SLC6A6: variants seen among roughly 807,000 people sequenced by gnomAD.
The protein encoded by SLC6A6 is solute carrier family 6 member 6.
SLC6A6 carries 16 observed loss-of-function variants against 68.8 expected under a neutral mutation model. The observed-to-expected ratio is 0.23, with a 90% CI of 0.16 to 0.35. The LOEUF is 0.35. SLC6A6 is among the 10% of genes least tolerant of loss of function. SLC6A6 has a pLI of 1.00. For missense variants in SLC6A6, 474 were observed against 802.8 expected (o/e 0.59, Z 4.95); for synonymous variants, 312 against 315.4 (o/e 0.99, Z 0.12).
chr3:14,405,630 G>C (rs1262544761), intron 1 of SLC6A6, among the ~76,000 whole-genome samples: 1 of 152,192 alleles, frequency 6.6e-6, no homozygotes, highest in Non-Finnish European at 1.5e-5. Flanking sequence ...GATTCTTTGG[G>C]GCTGCATCTC....
Position 14,443,815 on chromosome 3 carries a change from T to G in SLC6A6, c.181T>G (p.Leu61Val). 6.2e-7 allele frequency: 1 copy of G among 1,614,134 alleles called. No individual in the cohort carries two copies. Among genetic ancestry groups the G allele is most frequent in the Non-Finnish European group, 8.5e-7 (1 of 1,179,982 alleles). Residue 61 changes from leucine to valine, a missense_variant, in exon 3 of 15, where the codon TTG becomes GTG. Leu to Val is a conservative substitution (Grantham distance 32). Around this residue, in one of 2 missense-constraint regions of SLC6A6, gnomAD observed 280 missense variants for 533.1 expected, o/e 0.53. Transcript: ENST00000622186. ...CTCTGTGGCTGGCGGCTTCGTGGGC[T>G]TGGGCAACGTCTGGCGCTTCCCGTA... ...VLSVAGGFVG[L>V]GNVWRFPYLC...
At position 14,463,335 on chromosome 3, in the gene SLC6A6, G is replaced by A. The variant is rs140852817; in HGVS notation, c.733-3181G>A. Among the ~76,000 whole-genome samples the A allele has an allele frequency of 1.3e-3, 193 of 152,340 alleles. 1 individual carries two copies. Among genetic ancestry groups the A allele is most frequent in the African/African-American group, 4.4e-3 (184 of 41,576 alleles). ...GAGGATTAAATGAGTTAAAACTCAC[G>A]AAGCCCTTAGCTGAGTGCCCCGCAC... On this transcript the variant is annotated intron_variant, in intron 6 of 14. Transcript: ENST00000622186.
At chr3:14,466,930 G>A (rs1700633689) in intron 7 of SLC6A6, among the ~76,000 whole-genome samples, 1 of 152,226 alleles carries the variant, frequency 6.6e-6, no homozygotes, top group African/African-American at 2.4e-5. Flanking sequence ...GCACCAAGGG[G>A]GAGAAATCTT....
intron 2 of SLC6A6, among the ~76,000 whole-genome samples, chr3:14,438,970 C>T (rs1424129150): frequency 1.3e-5 from 2 of 152,244 alleles, no homozygotes; most frequent in African/African-American, 4.8e-5. Flanking sequence ...TGACTTTCCC[C>T]AGAGCCTTGG....
At chr3:14,422,899 T>A (rs1699515363) in intron 2 of SLC6A6, among the ~76,000 whole-genome samples, 1 of 152,194 alleles carries the variant, frequency 6.6e-6, no homozygotes, top group Non-Finnish European at 1.5e-5. Context: ...TCACAGCCCC[T>A]CAAGTCTCTT....
chr3:14,457,681 G>T (rs1418047519), intron 5 of SLC6A6, among the ~76,000 whole-genome samples: 2 of 152,190 alleles, frequency 1.3e-5, no homozygotes, highest in African/African-American at 4.8e-5. Context: ...GGAAACTGAG[G>T]CTCAGGGGTT....
chr3:14,429,236 G>A (rs893147429), intron 2 of SLC6A6, among the ~76,000 whole-genome samples: 3 of 152,206 alleles, frequency 2.0e-5, no homozygotes, highest in African/African-American at 7.2e-5. Context: ...TCTGGGCTCT[G>A]CCACTTGCTA....
chr3:14,433,794 C>G (rs1241527638), intron 2 of SLC6A6, among the ~76,000 whole-genome samples: 1 of 109,100 alleles, frequency 9.2e-6, no homozygotes, highest in Admixed American at 1.1e-4. Context: ...CAGAGCTAGA[C>G]TCTGTCTCAA....
At chr3:14,446,235 A>C (rs929667178) in intron 4 of SLC6A6, among the ~76,000 whole-genome samples, 1 of 152,250 alleles carries the variant, frequency 6.6e-6, no homozygotes, top group Admixed American at 6.5e-5. Flanking sequence ...CTATGCAGCC[A>C]TAAAGAATAG....
At chr3:14,411,154 G>T in intron 1 of SLC6A6, 1 of 152,536 alleles carries the variant, frequency 6.6e-6, no homozygotes. Context: ...AGCCTTCAGT[G>T]GTGGCTCCCT....
At position 14,477,441 on chromosome 3, in the gene SLC6A6, C is replaced by A; in HGVS notation, c.1347+99C>A. On this transcript the variant is annotated intron_variant, in intron 11 of 14. Transcript: ENST00000622186. This position sits in a 1 kb window ranked among gnomAD's most constrained non-coding sequence, Gnocchi z 4.2. The stretch of plus-strand genomic sequence containing the variant: ...GCTGGGTGAGAGGGCCAGGTAGGGG[C>A]TTCATCTCCCAGCCCCACCCAATTC... 8.2e-7 allele frequency: 1 copy of A among 1,214,900 alleles called. No individual in the cohort carries two copies. Among genetic ancestry groups the A allele is most frequent in the Non-Finnish European group, 1.2e-6 (1 of 841,180 alleles). The allele number at this position is 1,214,900 out of a possible 1,614,324, so 75.3% of individuals were successfully genotyped here.
At chr3:14,446,979 C>T (rs576419438) in intron 4 of SLC6A6, among the ~76,000 whole-genome samples, 4 of 152,276 alleles carry the variant, frequency 2.6e-5, no homozygotes, top group East Asian at 3.9e-4. Flanking sequence ...AGTAATTAGA[C>T]TATCCATCCA....
Position 14,447,775 on chromosome 3 carries a change from C to G in SLC6A6, c.558C>G (p.Ile186Met), listed in dbSNP as rs1335864670. 4 of 1,614,122 alleles carry G rather than the reference C, an allele frequency of 2.5e-6. No homozygotes were observed. The African/African-American group carries it at 4.0e-5, about 16-fold the overall frequency. Reference sequence around the variant, plus strand: ...AGAACAAGAGTGTCTGGATCACCATCAGCTCCACCAACTTCACCTCCCCTG... The same window carrying G: ...AGAACAAGAGTGTCTGGATCACCATGAGCTCCACCAACTTCACCTCCCCTG... ...MRKNKSVWIT[I>M]SSTNFTSPVI... is the part of the protein sequence containing the mutation. The change falls in exon 5 of 15, where the codon ATC (isoleucine) becomes ATG (methionine). Residue 186 changes from isoleucine (I) to methionine (M), a missense_variant. Transcript: ENST00000622186.
rs1392908013 is a variant in SLC6A6, at chr3:14,468,478, G to A, written c.1096+266G>A. Among the ~76,000 whole-genome samples, 2 of 151,958 alleles carry A rather than the reference G, an allele frequency of 1.3e-5. No individual in the cohort carries two copies. The highest frequency in any genetic ancestry group is 2.9e-5 in the Non-Finnish European group (2 of 67,992). Reference sequence around the variant, plus strand: ...GGGGAATTTTTAGCTACCTTAGTGTGGTCTTCCCCGCCCCCCCGTCCTTCC... The same window carrying A: ...GGGGAATTTTTAGCTACCTTAGTGTAGTCTTCCCCGCCCCCCCGTCCTTCC... On this transcript the variant is annotated intron_variant, in intron 9 of 14. Coordinates refer to ENST00000622186, the MANE Select transcript of SLC6A6 (RefSeq NM_003043.6). The surrounding 1 kb of genome is among the most constrained non-coding windows in gnomAD (Gnocchi z 4.5).
chr3:14,425,755 G>A (rs2341967), intron 2 of SLC6A6, among the ~76,000 whole-genome samples: 32,509 of 151,858 alleles, frequency 0.21, 3,592 homozygotes, highest in South Asian at 0.31. Flanking sequence ...TCCAAAAATG[G>A]TGTGGGTTGG....
At chr3:14,467,434 T>A (rs1700646449) in intron 7 of SLC6A6, among the ~76,000 whole-genome samples, 1 of 152,220 alleles carries the variant, frequency 6.6e-6, no homozygotes, top group East Asian at 1.9e-4. Context: ...AGCCTTGACT[T>A]ACGGGCTTGC....
intron 2 of SLC6A6, among the ~76,000 whole-genome samples, chr3:14,417,468 A>G (rs1699386593): frequency 6.6e-6 from 1 of 152,096 alleles, no homozygotes; most frequent in Non-Finnish European, 1.5e-5. Context: ...GCCGTGGCTC[A>G]CGCCTGGGAT....
chr3:14,476,047 G>A (rs1447819503), intron 10 of SLC6A6, among the ~76,000 whole-genome samples: 1 of 152,204 alleles, frequency 6.6e-6, no homozygotes, highest in South Asian at 2.1e-4. Flanking sequence ...CAAAAGCCTC[G>A]TTCAGATGAA....
intron 2 of SLC6A6, among the ~76,000 whole-genome samples, chr3:14,442,510 G>C (rs1187411758): frequency 6.6e-6 from 1 of 152,216 alleles, no homozygotes; most frequent in East Asian, 1.9e-4. Context: ...CTAGAAATCA[G>C]GATGCTCTTG....
Sources: allele counts gnomAD v4.1 joint callset (sites outside exome capture counted in the v4.1 genomes callset), GRCh38; gene constraint gnomAD v4.1.1; regional missense constraint gnomAD v4.1.1; non-coding constraint Gnocchi (gnomAD v3.1); transcripts MANE v1.5; gene names NCBI Gene and HGNC (gene_info 2026-07-23, HGNC 2026-07-21).